Variants in MAP7D1 observed in about 807,000 individuals in gnomAD.
MAP7D1 encodes the protein MAP7 domain containing 1, also known as MAP7 domain-containing protein 1.
In MAP7D1, 30 loss-of-function variants were observed where a neutral mutation model predicts 97.5. The observed-to-expected ratio is 0.31, with a 90% CI of 0.23 to 0.42. The LOEUF (loss-of-function observed/expected upper bound fraction) is 0.42, where lower values mean the gene tolerates loss of function less well. Among genes scored for constraint, MAP7D1 ranks in the 10% least tolerant of loss-of-function variants. The pLI, the probability that MAP7D1 is intolerant of heterozygous loss-of-function variation, is 1.00. For missense variants in MAP7D1, 1,184 were observed against 1,179.5 expected (o/e 1.00, Z -0.06); for synonymous variants, 536 against 477.1 (o/e 1.12, Z -1.61).
Position 36,159,452 on chromosome 1 carries a change from C to A in MAP7D1, c.46+2989C>A, listed in dbSNP as rs12240170. ...AGGTAAGTATAGGACAAGAAGGCAG[C>A]GGAGAGGGGAGTTCTAGGCAGACAT... On this transcript the variant is annotated intron_variant, in intron 1 of 16. Coordinates refer to ENST00000474796, the MANE Select transcript of MAP7D1 (RefSeq NM_001388490.1). The surrounding 1 kb of genome is among the most constrained non-coding windows in gnomAD (Gnocchi z 5.4). Among the ~76,000 whole-genome samples, 1 of 152,084 alleles carries A rather than the reference C, an allele frequency of 6.6e-6. No homozygotes were observed.
At chr1:36,174,074 G>A (rs944965877) in intron 5 of MAP7D1, among the ~76,000 whole-genome samples, 2 of 152,150 alleles carry the variant, frequency 1.3e-5, no homozygotes, top group East Asian at 3.8e-4. Flanking sequence ...GACAGACTTG[G>A]GTTCCAGCTC....
Position 36,179,747 on chromosome 1 carries a change from C to G in MAP7D1, c.2309C>G (p.Pro770Arg). The change falls in exon 15 of 17, where the codon CCT (proline) becomes CGT (arginine). Residue 770 changes from proline (P) to arginine (R), a missense_variant. Pro to Arg is a moderately radical substitution (Grantham distance 103). Transcript: ENST00000474796. ...AAAGAGGAGCCCATCCCACAGGAGC[C>G]TCAGTGGAGGTACCAGCTTCCAATC... is the stretch of plus-strand genomic sequence containing the variant. ...VQKEEPIPQE[P>R]QWSLPSKELP... 6.5e-7 allele frequency: 1 copy of G among 1,526,768 alleles called. No individual in the cohort carries two copies. Among genetic ancestry groups the G allele is most frequent in the Non-Finnish European group, 8.8e-7 (1 of 1,139,470 alleles). The allele number at this position is 1,526,768 out of a possible 1,614,324, so 94.6% of individuals were successfully genotyped here. A position where few individuals can be genotyped will look rare whatever the true frequency, so the allele number is the denominator to read the frequency against.
chr1:36,171,246 C>A lies in MAP7D1; in HGVS notation c.322C>A (p.Pro108Thr), dbSNP rs1157946767. 1.2e-6 allele frequency: 2 copies of A among 1,605,040 alleles called. No homozygotes were observed. The highest frequency in any genetic ancestry group is 2.2e-5 in the East Asian group (1 of 44,806). ...AGCCATGGGCCCACGGGATGCCAGA[C>A]CTCCTCGAAGGAGCAGCCAGCCATC... ...PPAMGPRDAR[P>T]PRRSSQPSPT... is the part of the protein sequence containing the mutation. Residue 108 changes from proline to threonine, a missense_variant, in exon 2 of 17, where the codon CCT (proline) becomes ACT (threonine). Transcript: ENST00000474796.
chr1:36,176,225 G>C lies in MAP7D1; in HGVS notation c.877G>C (p.Glu293Gln). The C allele has an allele frequency of 1.2e-6, 2 of 1,608,330 alleles. No homozygotes were observed. Among genetic ancestry groups the C allele is most frequent in the Middle Eastern group, 2.2e-4 (1 of 4,570 alleles). ...TCGCAGCCTGCAGCTGAGCGCATGG[G>C]AGAGCAGCATCGTGGATCGTCTGAT... ...RNRSLQLSAW[E>Q]SSIVDRLMTP... Residue 293 changes from glutamate to glutamine, a missense_variant, in exon 7 of 17, where the codon GAG becomes CAG. By Grantham distance (29) the Glu-to-Gln change is conservative (BLOSUM62 2). Coordinates refer to ENST00000474796, the MANE Select transcript of MAP7D1 (RefSeq NM_001388490.1). This position sits in a 1 kb window ranked among gnomAD's most constrained non-coding sequence, Gnocchi z 6.1.
Position 36,179,949 on chromosome 1 carries a change from C to T in MAP7D1, c.2394C>T (p.Phe798=), listed in dbSNP as rs1644693302. The T allele has an allele frequency of 6.2e-7, 1 of 1,614,188 alleles. No homozygotes were observed. The highest frequency in any genetic ancestry group is 1.3e-5 in the African/African-American group (1 of 75,074). Residue 798 remains phenylalanine (F), a synonymous_variant, in exon 16 of 17, where the codon TTC becomes TTT. Transcript: ENST00000474796. ...TCCCAGCACACCAGGAGAATGGCTT[C>T]TCCACCAACGGACCCTCTGGGGACA... is the stretch of plus-strand genomic sequence containing the variant. ...QPLPAHQENG[F]STNGPSGDKS...
chr1:36,179,532 GGCCAAC>G lies in MAP7D1; in HGVS notation c.2210_2215del (p.Ala737_Asn738del), dbSNP rs780483389. Reference sequence around the variant, plus strand: ...CAAAGCAGAAGCAGGACAGCAAGGAGGCCAACGCCAACGGTTCCAGCCCAGGTAAAG... The same window carrying G: ...CAAAGCAGAAGCAGGACAGCAAGGAGGCCAACGGTTCCAGCCCAGGTAAAG... On this transcript the variant is annotated inframe_deletion, in exon 14 of 17. Coordinates refer to ENST00000474796, the MANE Select transcript of MAP7D1 (RefSeq NM_001388490.1). 4.4e-6 allele frequency: 7 copies of G among 1,577,204 alleles called. No homozygotes were observed. The highest frequency in any genetic ancestry group is 1.3e-5 in the African/African-American group (1 of 74,532).
At chr1:36,175,117 G>C in intron 6 of MAP7D1, 109 bp downstream of exon 6, 3 of 711,922 alleles carry the variant, frequency 4.2e-6, no homozygotes, top group Middle Eastern at 2.7e-4. Context: ...ACATACTCCA[G>C]GTCCCCATCC....
At position 36,178,665 on chromosome 1, in the gene MAP7D1, C is replaced by T. The variant is rs748433517; in HGVS notation, c.1887-20C>T. 7.9e-6 allele frequency: 12 copies of T among 1,528,090 alleles called. No homozygotes were observed. The South Asian group carries it at 1.2e-4, about 16-fold the overall frequency. 94.7% of individuals were successfully genotyped at this position (1,528,090 alleles called of 1,614,324 possible). A position where few individuals can be genotyped will look rare whatever the true frequency, so the allele number is the denominator to read the frequency against. On this transcript the variant is annotated intron_variant, in intron 10 of 16. Coordinates refer to ENST00000474796, the MANE Select transcript of MAP7D1 (RefSeq NM_001388490.1). ...AGAAGAAGCAGAGGCCGAGCCTGAG[C>T]CGTTTGCTCCGTCCCCCAGGCGAAT...
chr1:36,180,252 C>G lies in MAP7D1; in HGVS notation c.2517C>G (p.Val839=), dbSNP rs1372653002. 33 of 1,614,060 alleles carry G rather than the reference C, an allele frequency of 2.0e-5. No homozygotes were observed. Among genetic ancestry groups the G allele is most frequent in the Non-Finnish European group, 2.7e-5 (32 of 1,180,044 alleles). ...TCCCTTCCTGTTTTTCCCCAGAAGT[C>G]CTTTAAGAGGGTTTGCCTTGGATCC... ...AVVQSPQVTE[V]L is the part of the protein sequence containing the mutation. The change falls in exon 17 of 17, where the codon GTC becomes GTG. Residue 839 remains valine (V), a synonymous_variant. Coordinates refer to ENST00000474796, the MANE Select transcript of MAP7D1 (RefSeq NM_001388490.1).
intron 1 of MAP7D1, 87 bp from the exon 2 acceptor site, chr1:36,170,884 C>A: frequency 3.0e-6 from 2 of 659,136 alleles, no homozygotes. Context: ...ATGAAGAAGT[C>A]GGTTGAACAA....
chr1:36,166,759 T>G (rs1644479874), intron 1 of MAP7D1, among the ~76,000 whole-genome samples: 1 of 152,146 alleles, frequency 6.6e-6, no homozygotes, highest in East Asian at 1.9e-4. Flanking sequence ...GAACAAAGAC[T>G]GGAGCAGGGA....
chr1:36,175,922 T>G (rs537028793), intron 6 of MAP7D1, among the ~76,000 whole-genome samples: 9 of 152,318 alleles, frequency 5.9e-5, no homozygotes, highest in African/African-American at 1.9e-4. Flanking sequence ...CCTTCCTATA[T>G]GCGCCGTTCA....
chr1:36,179,125 G>C lies in MAP7D1; in HGVS notation c.2130+100G>C, dbSNP rs550950189. On this transcript the variant is annotated intron_variant, in intron 12 of 16. Transcript: ENST00000474796. The stretch of plus-strand genomic sequence containing the variant: ...AGCGGACAGGACGGGAAAGCGCTGG[G>C]GCAAATTCCAGTTCCTGTCCTGGAG... 1.1e-5 allele frequency: 16 copies of C among 1,490,382 alleles called. No individual in the cohort carries two copies. The African/African-American group carries it at 2.2e-4, about 21-fold the overall frequency. 92.3% of individuals were successfully genotyped at this position (1,490,382 alleles called of 1,614,324 possible).
chr1:36,156,324 G>C lies in MAP7D1; in HGVS notation c.-94G>C. ...GTCGCTACTTGCCGGGCCGGGCCGGGCCGGGCGTGATGCGCCGCGGGACCC... is the reference window on the plus strand; with the variant it reads ...GTCGCTACTTGCCGGGCCGGGCCGGCCCGGGCGTGATGCGCCGCGGGACCC... On this transcript the variant is annotated 5_prime_UTR_variant, in exon 1 of 17. Coordinates refer to ENST00000474796, the MANE Select transcript of MAP7D1 (RefSeq NM_001388490.1). 1.8e-6 allele frequency: 2 copies of C among 1,129,050 alleles called. No homozygotes were observed. Among genetic ancestry groups the C allele is most frequent in the African/African-American group, 3.3e-5 (2 of 60,560 alleles). The allele number at this position is 1,129,050 out of a possible 1,614,324, so 69.9% of individuals were successfully genotyped here.
At position 36,172,212 on chromosome 1, in the gene MAP7D1, A is replaced by G. The variant is rs1312798036; in HGVS notation, c.461-252A>G. 19 of 340,540 alleles carry G rather than the reference A, an allele frequency of 5.6e-5. No individual in the cohort carries two copies. The East Asian group carries it at 8.7e-4, about 16-fold the overall frequency. 21.1% of individuals were successfully genotyped at this position (340,540 alleles called of 1,614,324 possible). A position where few individuals can be genotyped will look rare whatever the true frequency, so the allele number is the denominator to read the frequency against. ...CAGGTCAGATGGGGATCTTGCACTC[A>G]AGCATTCATTTCTCCTTCAGCCCTG... On this transcript the variant is annotated intron_variant, in intron 3 of 16. Transcript: ENST00000474796.
intron 12 of MAP7D1, 74 bp downstream of exon 12, chr1:36,179,099 G>C: frequency 6.6e-7 from 1 of 1,517,748 alleles, no homozygotes; most frequent in Non-Finnish European, 8.9e-7. Context: ...CCTGGGCTTA[G>C]AGCGGACAGG....
At chr1:36,161,066 T>C (rs1248571559) in intron 1 of MAP7D1, among the ~76,000 whole-genome samples, 1 of 152,170 alleles carries the variant, frequency 6.6e-6, no homozygotes, top group Non-Finnish European at 1.5e-5. Context: ...AGGAAGTGGG[T>C]GCTCCTGATT....
chr1:36,180,364 C>T lies in MAP7D1; in HGVS notation c.*106C>T. On this transcript the variant is annotated 3_prime_UTR_variant, in exon 17 of 17. Coordinates refer to ENST00000474796, the MANE Select transcript of MAP7D1 (RefSeq NM_001388490.1). ...GAACAAAGATGGAAGTGGCCTGGGC[C>T]CCTGGGGGTGGGTCCTCTCTGTTGT... The T allele has an allele frequency of 6.5e-7, 1 of 1,527,306 alleles. No homozygotes were observed. Among genetic ancestry groups the T allele is most frequent in the Non-Finnish European group, 9.1e-7 (1 of 1,101,392 alleles). 94.6% of individuals were successfully genotyped at this position (1,527,306 alleles called of 1,614,324 possible).
In MAP7D1 at chr1:36,156,915, G is replaced by A. The variant is rs531076478; in HGVS notation, c.46+452G>A. On this transcript the variant is annotated intron_variant, in intron 1 of 16. Coordinates refer to ENST00000474796, the MANE Select transcript of MAP7D1 (RefSeq NM_001388490.1). Reference sequence around the variant, plus strand: ...TTCTCAGGCCTGGGCCCTGCATACCGACGCCTCGGCCTTAGTGCCCGTACC... The same window carrying A: ...TTCTCAGGCCTGGGCCCTGCATACCAACGCCTCGGCCTTAGTGCCCGTACC... Among the ~76,000 whole-genome samples the A allele has an allele frequency of 1.5e-4, 23 of 152,080 alleles. 1 individual carries two copies. In the South Asian group the frequency reaches 4.4e-3, roughly 29 times the overall value.
Sources: allele counts gnomAD v4.1 joint callset (sites outside exome capture counted in the v4.1 genomes callset), GRCh38; gene constraint gnomAD v4.1.1; non-coding constraint Gnocchi (gnomAD v3.1); transcripts MANE v1.5; gene names NCBI Gene and HGNC (gene_info 2026-07-23, HGNC 2026-07-21).